GOLPH3: variants seen among roughly 807,000 people sequenced by gnomAD.
GOLPH3 encodes coat protein GPP34.
A neutral mutation model predicts 28.5 loss-of-function variants in GOLPH3; 14 were observed. That is an observed-to-expected ratio of 0.49 (90% CI 0.32 to 0.77). The LOEUF is 0.77. GOLPH3 is among the 30% of genes least tolerant of loss of function. The pLI is 0.03. For missense variants in GOLPH3, 350 were observed against 393.7 expected (o/e 0.89, Z 0.94); for synonymous variants, 158 against 159.2 (o/e 0.99, Z 0.06).
intron 2 of GOLPH3, among the ~76,000 whole-genome samples, chr5:32,138,493 G>A (rs112141248): frequency 0.039 from 5,932 of 151,832 alleles, 420 homozygotes; most frequent in African/African-American, 0.14. Flanking sequence ...CCATTAACTC[G>A]TCATTTAGCA....
intron 1 of GOLPH3, among the ~76,000 whole-genome samples, chr5:32,166,311 C>T (rs1232548859): frequency 2.0e-5 from 3 of 152,130 alleles, no homozygotes; most frequent in African/African-American, 4.8e-5. Flanking sequence ...GTTTACCAAA[C>T]GGGAAGAGAA....
At chr5:32,159,704 T>C in intron 1 of GOLPH3, among the ~76,000 whole-genome samples, 1 of 152,256 alleles carries the variant, frequency 6.6e-6, no homozygotes, top group East Asian at 1.9e-4. Flanking sequence ...TACAAGAGAA[T>C]AACATTTCAG....
At chr5:32,140,393 C>T (rs145654570) in intron 2 of GOLPH3, among the ~76,000 whole-genome samples, 121 of 152,076 alleles carry the variant, frequency 8.0e-4, no homozygotes, top group African/African-American at 2.7e-3. Context: ...CAGTGGCTTA[C>T]GCCTATAATC....
chr5:32,172,512 T>C (rs769140723), intron 1 of GOLPH3, among the ~76,000 whole-genome samples: 3 of 151,978 alleles, frequency 2.0e-5, no homozygotes, highest in Non-Finnish European at 2.9e-5. Flanking sequence ...CTGGCCAACA[T>C]GGTGAAACCC....
intron 2 of GOLPH3, among the ~76,000 whole-genome samples, chr5:32,136,212 G>C (rs1395817198): frequency 6.6e-6 from 1 of 152,092 alleles, no homozygotes; most frequent in African/African-American, 2.4e-5. Context: ...GGGCATGGTG[G>C]CTCACTCCTG....
chr5:32,165,133 C>G (rs1174142798), intron 1 of GOLPH3, among the ~76,000 whole-genome samples: 1 of 152,028 alleles, frequency 6.6e-6, no homozygotes, highest in African/African-American at 2.4e-5. Context: ...CTCCCTGCCT[C>G]AGGTAATCCC....
At chr5:32,170,200 AC>A (rs1273713189) in intron 1 of GOLPH3, among the ~76,000 whole-genome samples, 1 of 152,204 alleles carries the variant, frequency 6.6e-6, no homozygotes, top group Non-Finnish European at 1.5e-5. Context: ...CTCACATTGA[AC>A]AAAAAGCAGA....
At chr5:32,135,483 G>T in intron 3 of GOLPH3, 89 bp downstream of exon 3, 4 of 761,534 alleles carry the variant, frequency 5.3e-6, no homozygotes, top group Non-Finnish European at 6.8e-6. Flanking sequence ...CAAGCTTCTG[G>T]CTATTTTGTG....
At chr5:32,161,756 G>A (rs529983899) in intron 1 of GOLPH3, among the ~76,000 whole-genome samples, 19 of 151,312 alleles carry the variant, frequency 1.3e-4, no homozygotes, top group African/African-American at 2.5e-4. Flanking sequence ...GGCCAGGCAC[G>A]GTGGCTCACG....
At chr5:32,150,313 G>A (rs1746275474) in intron 1 of GOLPH3, among the ~76,000 whole-genome samples, 1 of 151,120 alleles carries the variant, frequency 6.6e-6, no homozygotes, top group Non-Finnish European at 1.5e-5. Context: ...TATATACAAA[G>A]TCTCAGCATT....
intron 1 of GOLPH3, among the ~76,000 whole-genome samples, chr5:32,145,119 A>G (rs1229719876): frequency 6.6e-6 from 1 of 152,212 alleles, no homozygotes; most frequent in Non-Finnish European, 1.5e-5. Flanking sequence ...CTTGTGTTTC[A>G]GAAGATGACT....
At chr5:32,138,390 TTTA>T (rs1476052301) in intron 2 of GOLPH3, among the ~76,000 whole-genome samples, 5 of 152,096 alleles carry the variant, frequency 3.3e-5, no homozygotes, top group South Asian at 4.1e-4. Flanking sequence ...TTTATTTTAT[TTTA>T]TTATTATTAT....
Position 32,126,627 on chromosome 5 carries a change from C to T in GOLPH3, c.482G>A (p.Trp161Ter). 6.2e-7 allele frequency: 1 copy of T among 1,609,832 alleles called. No homozygotes were observed. The highest frequency in any genetic ancestry group is 8.5e-7 in the Non-Finnish European group (1 of 1,177,970). Residue 161 changes from tryptophan to a stop codon, truncating the protein, a stop_gained, in exon 4 of 4, where the codon TGG (tryptophan) becomes TAG (stop). Coordinates refer to ENST00000265070, the MANE Select transcript of GOLPH3 (RefSeq NM_022130.4). LOFTEE classifies it high-confidence loss of function. ...CTGATAATGCAATTTTAATGGATTC[C>T]ATGTCTCACCTAAACAAAAGATTTC... is the stretch of plus-strand genomic sequence containing the variant. ...NWIELLSGETWNPLKLHYQLR... is the reference protein window; with the variant it reads ...NWIELLSGET
At chr5:32,155,149 CAACTCTAAA>C (rs1245804574) in intron 1 of GOLPH3, among the ~76,000 whole-genome samples, 1 of 149,030 alleles carries the variant, frequency 6.7e-6, no homozygotes, top group Non-Finnish European at 1.5e-5. Context: ...GATGGATACA[CAACTCTAAA>C]TACACTAAAA....
chr5:32,136,341 C>T (rs1429132206), intron 2 of GOLPH3, among the ~76,000 whole-genome samples: 3 of 149,684 alleles, frequency 2.0e-5, no homozygotes, highest in East Asian at 2.0e-4. Flanking sequence ...ATTAGCTGGG[C>T]GTGGTGGCAG....
intron 1 of GOLPH3, among the ~76,000 whole-genome samples, chr5:32,148,640 A>G (rs1303513180): frequency 6.6e-6 from 1 of 152,140 alleles, no homozygotes; most frequent in Non-Finnish European, 1.5e-5. Flanking sequence ...TACTAAAAAT[A>G]TAAAAAATTA....
At position 32,126,204 on chromosome 5, in the gene GOLPH3, G is replaced by A. The variant is rs373835569; in HGVS notation, c.*8C>T. ...GAGAGAAAGGAGAATGGTTCACCCC[G>A]AGCAGAGTTACTTGGTGAACGCCGC... On this transcript the variant is annotated 3_prime_UTR_variant, in exon 4 of 4. Coordinates refer to ENST00000265070, the MANE Select transcript of GOLPH3 (RefSeq NM_022130.4). The A allele has an allele frequency of 1.0e-5, 16 of 1,605,168 alleles. No individual in the cohort carries two copies. The highest frequency in any genetic ancestry group is 4.0e-5 in the African/African-American group (3 of 74,760).
In GOLPH3 at chr5:32,173,813, G is replaced by T; in HGVS notation, c.222C>A (p.Arg74=). The T allele has an allele frequency of 6.9e-7, 1 of 1,447,550 alleles. No individual in the cohort carries two copies. Among genetic ancestry groups the T allele is most frequent in the Non-Finnish European group, 9.1e-7 (1 of 1,101,314 alleles). The allele number at this position is 1,447,550 out of a possible 1,614,324, so 89.7% of individuals were successfully genotyped here. A position where few individuals can be genotyped will look rare whatever the true frequency, so the allele number is the denominator to read the frequency against. ...GCCCAGCCCGCCGCGCCCGCACCTC[G>T]CGGTCCTTGAGGCCCAGCAGGAGCA... The part of the protein sequence containing the change: ...EEVLLLGLKD[R]EGYTSFWNDC... The change falls in exon 1 of 4, where the codon CGC becomes CGA. Residue 74 remains arginine, a synonymous_variant. Coordinates refer to ENST00000265070, the MANE Select transcript of GOLPH3 (RefSeq NM_022130.4).
intron 1 of GOLPH3, among the ~76,000 whole-genome samples, chr5:32,157,978 A>ACAATAAAT (rs370300710): frequency 5.2e-5 from 2 of 38,664 alleles, no homozygotes; most frequent in African/African-American, 2.2e-4. Flanking sequence ...ACTCTGTCTC[A>ACAATAAAT]AAATAAATAA....
Sources: gnomAD v4.1 joint callset for allele counts (sites outside exome capture counted in the v4.1 genomes callset) on GRCh38, gnomAD v4.1.1 for gene constraint, MANE v1.5 for transcripts, NCBI Gene and HGNC (gene_info 2026-07-23, HGNC 2026-07-21) for gene names.